ARHGEF3: variants seen among roughly 807,000 people sequenced by gnomAD.
The protein encoded by ARHGEF3 is Rho guanine nucleotide exchange factor 3.
ARHGEF3 carries 28 observed loss-of-function variants against 63.2 expected under a neutral mutation model. That is an observed-to-expected ratio of 0.44 (90% CI 0.33 to 0.61). ARHGEF3 has a LOEUF of 0.61. ARHGEF3 is among the 20% of genes least tolerant of loss of function. The pLI is 0.03. For synonymous variants in ARHGEF3, 266 were observed against 254.2 expected (o/e 1.05, Z -0.44); for missense variants, 533 against 659.3 (o/e 0.81, Z 2.10).
chr3:56,890,747 T>C (rs1269069764), intron 3 of ARHGEF3, among the ~76,000 whole-genome samples: 1 of 152,232 alleles, frequency 6.6e-6, no homozygotes, highest in Non-Finnish European at 1.5e-5. Context: ...ATGGCCAAGA[T>C]TGAACTGATT....
At chr3:56,814,665 C>CT (rs57448848) in intron 4 of ARHGEF3, among the ~76,000 whole-genome samples, 38,819 of 150,780 alleles carry the variant, frequency 0.26, 5,138 homozygotes, top group South Asian at 0.33. Context: ...ATCCTTCTCC[C>CT]TTTTTTTTTA....
At chr3:56,932,139 C>G (rs1218357133) in intron 3 of ARHGEF3, among the ~76,000 whole-genome samples, 1 of 152,104 alleles carries the variant, frequency 6.6e-6, no homozygotes, top group Non-Finnish European at 1.5e-5. Context: ...ATTTCTGTTG[C>G]CTGTTGGGGA....
At chr3:56,997,414 G>C (rs1345659802) in intron 2 of ARHGEF3, among the ~76,000 whole-genome samples, 2 of 152,128 alleles carry the variant, frequency 1.3e-5, no homozygotes, top group Non-Finnish European at 2.9e-5. Context: ...GAGGGCTCTT[G>C]GTTCTTGGAA....
intron 7 of ARHGEF3, among the ~76,000 whole-genome samples, chr3:56,744,147 G>C (rs2034227640): frequency 6.6e-6 from 1 of 152,086 alleles, no homozygotes; most frequent in African/African-American, 2.4e-5. Flanking sequence ...CAGGCCAACT[G>C]ATCCATGATA....
intron 4 of ARHGEF3, among the ~76,000 whole-genome samples, chr3:56,821,522 A>T (rs1462575951): frequency 6.6e-6 from 1 of 152,224 alleles, no homozygotes; most frequent in Non-Finnish European, 1.5e-5. Flanking sequence ...TGGTTGGTCA[A>T]TGCCATTGAG....
intron 4 of ARHGEF3, among the ~76,000 whole-genome samples, chr3:56,874,375 T>C (rs544117897): frequency 3.9e-5 from 6 of 152,346 alleles, no homozygotes; most frequent in African/African-American, 1.4e-4. Flanking sequence ...GGCCCCATGC[T>C]GGCCAGGGCG....
chr3:57,009,801 T>C (rs1462726862), intron 2 of ARHGEF3, among the ~76,000 whole-genome samples: 1 of 152,006 alleles, frequency 6.6e-6, no homozygotes, highest in Non-Finnish European at 1.5e-5. Flanking sequence ...GCCCATCTCA[T>C]TGGAGGTGGT....
intron 3 of ARHGEF3, among the ~76,000 whole-genome samples, chr3:56,921,848 T>C (rs977388061): frequency 6.6e-6 from 1 of 152,160 alleles, no homozygotes; most frequent in Non-Finnish European, 1.5e-5. Context: ...TAGAAAAGTC[T>C]TCATCTATGG....
intron 2 of ARHGEF3, among the ~76,000 whole-genome samples, chr3:57,002,078 C>T (rs1042454852): frequency 2.3e-4 from 35 of 151,818 alleles, no homozygotes; most frequent in Non-Finnish European, 4.3e-4. Flanking sequence ...CGCCCACCAC[C>T]GTGCCTGGCT....
chr3:56,871,444 T>TA (rs2040429281), intron 4 of ARHGEF3, among the ~76,000 whole-genome samples: 2 of 150,870 alleles, frequency 1.3e-5, no homozygotes, highest in South Asian at 2.1e-4. Flanking sequence ...ATTAAAAAAC[T>TA]AAAAACTAAA....
chr3:57,005,970 A>T (rs1212728781), intron 2 of ARHGEF3, among the ~76,000 whole-genome samples: 1 of 152,236 alleles, frequency 6.6e-6, no homozygotes, highest in Admixed American at 6.5e-5. Context: ...ATTAGAAGTG[A>T]CAAACGCATA....
At chr3:56,875,254 C>T (rs917816275) in intron 4 of ARHGEF3, among the ~76,000 whole-genome samples, 3 of 152,198 alleles carry the variant, frequency 2.0e-5, no homozygotes, top group Admixed American at 6.5e-5. Context: ...TAATGAGTCT[C>T]TCACAGCCAT....
At chr3:56,941,514 A>G (rs1699184101) in intron 3 of ARHGEF3, among the ~76,000 whole-genome samples, 1 of 152,176 alleles carries the variant, frequency 6.6e-6, no homozygotes, top group East Asian at 1.9e-4. Flanking sequence ...GGCCCACAGA[A>G]CATGTTCAAT....
chr3:56,928,978 T>TA (rs1433624244), intron 3 of ARHGEF3, among the ~76,000 whole-genome samples: 1 of 152,142 alleles, frequency 6.6e-6, no homozygotes, highest in African/African-American at 2.4e-5. Context: ...CATGTCAGGA[T>TA]ATAGCGACCT....
At chr3:57,022,756 G>A (rs568160989) in intron 2 of ARHGEF3, among the ~76,000 whole-genome samples, 1 of 152,068 alleles carries the variant, frequency 6.6e-6, no homozygotes, top group Admixed American at 6.5e-5. Context: ...GCCAACAAAG[G>A]AAGAGAGGAC....
intron 3 of ARHGEF3, among the ~76,000 whole-genome samples, chr3:56,950,115 T>C (rs1699728191): frequency 6.6e-6 from 1 of 152,036 alleles, no homozygotes; most frequent in South Asian, 2.1e-4. Flanking sequence ...CCTTACACCT[T>C]ATACAAAAAT....
At chr3:56,809,513 T>C (rs2037986978) in intron 4 of ARHGEF3, among the ~76,000 whole-genome samples, 1 of 152,128 alleles carries the variant, frequency 6.6e-6, no homozygotes, top group Admixed American at 6.5e-5. Context: ...CAAAAACCTG[T>C]CTCACTGAAG....
intron 1 of ARHGEF3, among the ~76,000 whole-genome samples, chr3:56,794,509 A>G (rs1329405177): frequency 3.6e-5 from 5 of 138,968 alleles, no homozygotes; most frequent in East Asian, 4.5e-4. Flanking sequence ...AAAAAAAAAA[A>G]AAAGAAAGTA....
intron 2 of ARHGEF3, among the ~76,000 whole-genome samples, chr3:56,984,754 G>C (rs1031601568): frequency 1.3e-5 from 2 of 152,126 alleles, no homozygotes; most frequent in African/African-American, 4.8e-5. Flanking sequence ...GAAACACCAA[G>C]GGCCTACAGA....
Sources: gnomAD v4.1 joint callset for allele counts (sites outside exome capture counted in the v4.1 genomes callset) on GRCh38, gnomAD v4.1.1 for gene constraint, MANE v1.5 for transcripts, NCBI Gene and HGNC (gene_info 2026-07-23, HGNC 2026-07-21) for gene names.